Variants in COL25A1 observed in about 807,000 individuals in gnomAD.
COL25A1 encodes the protein collagen alpha-1(XXV) chain.
A neutral mutation model predicts 128.4 loss-of-function variants in COL25A1; 103 were observed. That is an observed-to-expected ratio of 0.80 (90% CI 0.68 to 0.94). The LOEUF is 0.94. Among genes scored for constraint, COL25A1 ranks in the 40% least tolerant of loss-of-function variants. COL25A1 has a pLI of 0.00. For missense variants in COL25A1, 745 were observed against 840.0 expected (o/e 0.89, Z 1.40); for synonymous variants, 279 against 277.2 (o/e 1.01, Z -0.06).
intron 3 of COL25A1, among the ~76,000 whole-genome samples, chr4:109,128,292 T>G (rs1186557407): frequency 1.3e-5 from 2 of 152,184 alleles, no homozygotes; most frequent in Admixed American, 1.3e-4. Flanking sequence ...CCACCATTCC[T>G]TGTTCAAAAT....
chr4:108,967,863 T>C (rs1751494685), intron 8 of COL25A1, among the ~76,000 whole-genome samples: 1 of 152,124 alleles, frequency 6.6e-6, no homozygotes, highest in Non-Finnish European at 1.5e-5. Flanking sequence ...TCTACTTAAA[T>C]ACAAGGTAAA....
chr4:109,239,658 G>A (rs1407935198), intron 3 of COL25A1, among the ~76,000 whole-genome samples: 1 of 151,388 alleles, frequency 6.6e-6, no homozygotes, highest in Non-Finnish European at 1.5e-5. Context: ...GAATGGGAAG[G>A]CCTAGGACAT....
chr4:109,091,431 A>G (rs1764896405), intron 3 of COL25A1, among the ~76,000 whole-genome samples: 1 of 152,156 alleles, frequency 6.6e-6, no homozygotes, highest in South Asian at 2.1e-4. Flanking sequence ...TTGTCTATAC[A>G]ATTTAATTCT....
At chr4:109,217,710 T>C (rs530583554) in intron 3 of COL25A1, among the ~76,000 whole-genome samples, 1 of 152,298 alleles carries the variant, frequency 6.6e-6, no homozygotes, top group South Asian at 2.1e-4. Flanking sequence ...GAGTCCCTTA[T>C]ATTAAATGGT....
At position 109,284,613 on chromosome 4, in the gene COL25A1, C is replaced by T. The variant is rs888800918; in HGVS notation, c.367+15970G>A. ...GAAAGCCATGGGGCTCTGTGCTGAA[C>T]TTTCTCACGCTTAGGCATTTTATTA... On this transcript the variant is annotated intron_variant, in intron 3 of 37. Coordinates refer to ENST00000399132, the MANE Select transcript of COL25A1 (RefSeq NM_198721.4). Among the ~76,000 whole-genome samples the T allele has an allele frequency of 7.4e-4, 113 of 152,262 alleles. 2 individuals carry two copies. Among genetic ancestry groups the T allele is most frequent in the East Asian group, 1.9e-4 (1 of 5,180 alleles).
intron 16 of COL25A1, among the ~76,000 whole-genome samples, chr4:108,895,136 T>C (rs1741978171): frequency 6.6e-6 from 1 of 152,216 alleles, no homozygotes; most frequent in African/African-American, 2.4e-5. Flanking sequence ...AATATGAATA[T>C]AATTGCTACT....
At chr4:109,064,697 T>G (rs1206526539) in intron 3 of COL25A1, among the ~76,000 whole-genome samples, 3 of 152,230 alleles carry the variant, frequency 2.0e-5, no homozygotes, top group Non-Finnish European at 4.4e-5. Flanking sequence ...TTAGACTTCT[T>G]ATCTATAACA....
At chr4:109,203,926 T>A (rs1195172430) in intron 3 of COL25A1, among the ~76,000 whole-genome samples, 1 of 152,152 alleles carries the variant, frequency 6.6e-6, no homozygotes, top group South Asian at 2.1e-4. Flanking sequence ...ACAGCTAGAT[T>A]GAAAGGGCAG....
intron 3 of COL25A1, among the ~76,000 whole-genome samples, chr4:109,236,554 T>G (rs959215526): frequency 2.0e-5 from 3 of 152,096 alleles, no homozygotes; most frequent in Non-Finnish European, 4.4e-5. Flanking sequence ...ATGAATATAT[T>G]ATGTTCAATC....
rs1383703429 is a variant in COL25A1, at chr4:109,254,505, A to ATATATATATATATATATATATG, written c.367+46077_367+46078insCATATATATATATATATATATA. Among the ~76,000 whole-genome samples the ATATATATATATATATATATATG allele has an allele frequency of 1.8e-3, 187 of 104,934 alleles. 9 individuals carry two copies. Among genetic ancestry groups the ATATATATATATATATATATATG allele is most frequent in the Middle Eastern group, 0.013 (2 of 160 alleles). The allele number at this position is 104,934 out of a possible 152,430, so 68.8% of individuals were successfully genotyped here. ...TATATATATATATATATATATATAT[A>ATATATATATATATATATATATG]TGTATGTGTGTATATACATATACAT... is the stretch of plus-strand genomic sequence containing the variant. On this transcript the variant is annotated intron_variant, in intron 3 of 37. Coordinates refer to ENST00000399132, the MANE Select transcript of COL25A1 (RefSeq NM_198721.4).
At chr4:109,241,654 TA>T (rs941908057) in intron 3 of COL25A1, among the ~76,000 whole-genome samples, 1 of 150,988 alleles carries the variant, frequency 6.6e-6, no homozygotes, top group Non-Finnish European at 1.5e-5. Context: ...GCTTGAGGAA[TA>T]AATGACTCAG....
chr4:109,052,323 A>T (rs560818879), intron 3 of COL25A1, among the ~76,000 whole-genome samples: 2 of 152,348 alleles, frequency 1.3e-5, no homozygotes, highest in East Asian at 3.9e-4. Flanking sequence ...AAAGAAATGA[A>T]TCAAATGCTG....
intron 6 of COL25A1, among the ~76,000 whole-genome samples, chr4:109,008,217 C>T (rs1438751696): frequency 6.6e-6 from 1 of 152,196 alleles, no homozygotes; most frequent in Non-Finnish European, 1.5e-5. Flanking sequence ...GAAAAGCCAA[C>T]ATCCAGCTGT....
chr4:109,041,004 G>C (rs1367846302), intron 5 of COL25A1, among the ~76,000 whole-genome samples: 2 of 152,060 alleles, frequency 1.3e-5, no homozygotes, highest in African/African-American at 4.8e-5. Flanking sequence ...CAAGCTTCAT[G>C]AAACTGACTC....
intron 3 of COL25A1, among the ~76,000 whole-genome samples, chr4:109,272,791 A>G (rs900563845): frequency 3.3e-5 from 5 of 152,152 alleles, no homozygotes; most frequent in African/African-American, 1.2e-4. Context: ...GTCATGAAGT[A>G]TGGGTAGGCA....
intron 8 of COL25A1, among the ~76,000 whole-genome samples, chr4:108,961,137 G>A (rs1259045556): frequency 1.3e-5 from 2 of 152,090 alleles, no homozygotes; most frequent in Non-Finnish European, 2.9e-5. Flanking sequence ...TTTCTTAACA[G>A]GAATCAGAGT....
chr4:108,957,622 G>C (rs1450511297), intron 8 of COL25A1, among the ~76,000 whole-genome samples: 1 of 152,212 alleles, frequency 6.6e-6, no homozygotes, highest in African/African-American at 2.4e-5. Context: ...TCTTAGAACT[G>C]TCTATGATTA....
At chr4:109,104,418 C>CTCTCTCTT (rs1308004965) in intron 3 of COL25A1, among the ~76,000 whole-genome samples, 2 of 151,482 alleles carry the variant, frequency 1.3e-5, no homozygotes, top group Non-Finnish European at 2.9e-5. Context: ...CTCTCTCTCT[C>CTCTCTCTT]TTTTTTGCAA....
At chr4:109,163,410 A>C (rs1772768718) in intron 3 of COL25A1, among the ~76,000 whole-genome samples, 1 of 152,238 alleles carries the variant, frequency 6.6e-6, no homozygotes, top group African/African-American at 2.4e-5. Context: ...AACTGTGCAG[A>C]GTTTTTTGGC....
Sources: gnomAD v4.1 joint callset for allele counts (sites outside exome capture counted in the v4.1 genomes callset) on GRCh38, gnomAD v4.1.1 for gene constraint, MANE v1.5 for transcripts, NCBI Gene and HGNC (gene_info 2026-07-23, HGNC 2026-07-21) for gene names.